PTK2B: variants seen among roughly 807,000 people sequenced by gnomAD.
The protein encoded by PTK2B is protein-tyrosine kinase 2-beta.
PTK2B carries 71 observed loss-of-function variants against 142.9 expected under a neutral mutation model. The observed-to-expected ratio is 0.50, with a 90% CI of 0.41 to 0.61. PTK2B has a LOEUF of 0.61. Among genes scored for constraint, PTK2B ranks in the 20% least tolerant of loss-of-function variants. The probability of loss-of-function intolerance (pLI) is 0.00; values close to 1 mark genes in which losing one functional copy is unlikely to be tolerated. For synonymous variants in PTK2B, 519 were observed against 503.4 expected, an observed-to-expected ratio of 1.03 and a Z score of -0.42; for missense variants, 1,105 against 1,320.4, an observed-to-expected ratio of 0.84 and a Z score of 2.53.
chr8:27,326,837 A>C (rs1803447289), intron 1 of PTK2B: 1 of 152,446 alleles, frequency 6.6e-6, no homozygotes, highest in South Asian at 2.1e-4. Flanking sequence ...TTCAGGAGGC[A>C]CTCACTGGCT....
intron 1 of PTK2B, among the ~76,000 whole-genome samples, chr8:27,343,948 A>G (rs1804564300): frequency 6.6e-6 from 1 of 152,172 alleles, no homozygotes; most frequent in Non-Finnish European, 1.5e-5. Flanking sequence ...GCTTGCAGTG[A>G]GCCGAGATCA....
At chr8:27,450,511 C>T (rs1297881167) in intron 24 of PTK2B, among the ~76,000 whole-genome samples, 2 of 152,192 alleles carry the variant, frequency 1.3e-5, no homozygotes, top group African/African-American at 2.4e-5. Flanking sequence ...ATACAGCGCA[C>T]GTTGAGCAGT....
intron 1 of PTK2B, chr8:27,326,709 A>C (rs568534216): frequency 6.5e-6 from 1 of 152,764 alleles, no homozygotes; most frequent in African/African-American, 2.4e-5. Flanking sequence ...GTCTTTCCCA[A>C]CCACTCTGGG....
chr8:27,451,447 A>G (rs1271853946), intron 26 of PTK2B, 38 bp from the exon 27 acceptor site: 2 of 1,613,196 alleles, frequency 1.2e-6, no homozygotes, highest in Non-Finnish European at 8.5e-7. Flanking sequence ...CCACAGCCGC[A>G]TGAGTGACGT....
At chr8:27,341,986 T>C (rs1331761736) in intron 1 of PTK2B, among the ~76,000 whole-genome samples, 1 of 152,162 alleles carries the variant, frequency 6.6e-6, no homozygotes, top group Non-Finnish European at 1.5e-5. Flanking sequence ...CTGCAGGGCT[T>C]TCAAACTGGG....
intron 27 of PTK2B, 97 bp from the exon 28 acceptor site, chr8:27,453,017 T>G: frequency 7.2e-7 from 1 of 1,395,382 alleles, no homozygotes; most frequent in Non-Finnish European, 1.0e-6. Flanking sequence ...AGTCTCCTGG[T>G]GGTAGAGGGG....
At chr8:27,445,194 A>AC (rs921337098) in intron 23 of PTK2B, among the ~76,000 whole-genome samples, 6 of 152,066 alleles carry the variant, frequency 3.9e-5, no homozygotes, top group Non-Finnish European at 8.8e-5. Context: ...ATATAGTGAG[A>AC]CCCCATCTCT....
intron 2 of PTK2B, among the ~76,000 whole-genome samples, chr8:27,405,305 G>A (rs1404619557): frequency 6.6e-6 from 1 of 152,140 alleles, no homozygotes; most frequent in Non-Finnish European, 1.5e-5. Context: ...ACAGGCCATT[G>A]GCTCAGGTTC....
chr8:27,316,867 A>G (rs1323206285), intron 3 of PTK2B, among the ~76,000 whole-genome samples: 1 of 152,224 alleles, frequency 6.6e-6, no homozygotes, highest in Non-Finnish European at 1.5e-5. Flanking sequence ...TATTTGACCT[A>G]TACTTTTTTC....
rs557836658 is a variant in PTK2B at position 27,329,095 on chromosome 8, G to A, written c.-38+3414G>A. Among the ~76,000 whole-genome samples, 13 of 152,066 alleles carry A rather than the reference G, an allele frequency of 8.5e-5. No individual in the cohort carries two copies. The Middle Eastern group carries it at 0.01, about 119-fold the overall frequency. On this transcript the variant is annotated intron_variant, in intron 1 of 30. Coordinates refer to ENST00000346049, the MANE Select transcript of PTK2B (RefSeq NM_173176.3). ...TGGGATTACAGGCACGCACCACCAC[G>A]TCCAGCTAATTTTTGTATTTTTAGT...
chr8:27,392,119 G>T (rs58145661), intron 1 of PTK2B, among the ~76,000 whole-genome samples: 1 of 152,148 alleles, frequency 6.6e-6, no homozygotes, highest in Non-Finnish European at 1.5e-5. Context: ...GGCTATTGAC[G>T]AGTAGTTCAA....
intron 1 of PTK2B, among the ~76,000 whole-genome samples, chr8:27,330,696 A>C (rs1208072194): frequency 1.3e-5 from 2 of 152,204 alleles, no homozygotes; most frequent in Non-Finnish European, 2.9e-5. Flanking sequence ...ATTATTACTC[A>C]TGGTGACAGT....
chr8:27,336,105 G>A (rs974215125), intron 1 of PTK2B, among the ~76,000 whole-genome samples: 3 of 152,168 alleles, frequency 2.0e-5, no homozygotes, highest in Admixed American at 6.5e-5. Flanking sequence ...TGTCAAAGTC[G>A]TAAGTCCAGC....
At chr8:27,420,839 C>A in intron 4 of PTK2B, 95 bp downstream of exon 4, 3 of 1,201,034 alleles carry the variant, frequency 2.5e-6, no homozygotes, top group Non-Finnish European at 3.6e-6. Flanking sequence ...AAAGACAAAG[C>A]CCAGATTATG....
intron 1 of PTK2B, among the ~76,000 whole-genome samples, chr8:27,372,467 G>A (rs1403560289): frequency 2.0e-5 from 3 of 152,120 alleles, no homozygotes; most frequent in Non-Finnish European, 2.9e-5. Context: ...CAGCAGGGGG[G>A]TCAGCCTTTT....
intron 1 of PTK2B, among the ~76,000 whole-genome samples, chr8:27,371,717 T>C (rs1004081594): frequency 2.6e-5 from 4 of 152,070 alleles, no homozygotes; most frequent in Non-Finnish European, 4.4e-5. Flanking sequence ...CCTGCTAATT[T>C]TTGTATTTTT....
At chr8:27,403,557 T>C (rs570228977) in intron 2 of PTK2B, among the ~76,000 whole-genome samples, 1 of 152,330 alleles carries the variant, frequency 6.6e-6, no homozygotes, top group Non-Finnish European at 1.5e-5. Context: ...TATTTCCTTT[T>C]TGTTTGATAT....
intron 1 of PTK2B, among the ~76,000 whole-genome samples, chr8:27,326,228 G>GTGTC (rs2130747058): frequency 7.3e-5 from 1 of 13,618 alleles, no homozygotes; most frequent in East Asian, 4.6e-4. Flanking sequence ...TCGTGTGTAT[G>GTGTC]TGTGTGTGTG....
At position 27,431,420 on chromosome 8, in the gene PTK2B, A is replaced by T; in HGVS notation, c.833A>T (p.Asp278Val). The T allele has an allele frequency of 6.2e-7, 1 of 1,614,174 alleles. No individual in the cohort carries two copies. The highest frequency in any genetic ancestry group is 8.5e-7 in the Non-Finnish European group (1 of 1,180,034). ...ELIQGWNITV[D>V]LVIGPKGIRQ... The stretch of plus-strand genomic sequence containing the variant: ...CAGCAAGGATGGAACATTACTGTGG[A>T]CCTGGTCATTGGCCCTAAAGGGATC... The change falls in exon 9 of 31, where the codon GAC becomes GTC. Residue 278 changes from aspartate to valine, a missense_variant. Asp to Val is a radical substitution (Grantham distance 152, BLOSUM62 -3). Transcript: ENST00000346049.
Sources: allele counts gnomAD v4.1 joint callset (sites outside exome capture counted in the v4.1 genomes callset), GRCh38; gene constraint gnomAD v4.1.1; transcripts MANE v1.5; gene names NCBI Gene and HGNC (gene_info 2026-07-23, HGNC 2026-07-21).